The following TBC1D5 variants were observed in gnomAD, a reference collection of about 807,000 sequenced individuals.
TBC1D5 encodes the protein TBC1 domain family member 5.
TBC1D5 carries 75 observed loss-of-function variants against 100.3 expected under a neutral mutation model. The observed-to-expected ratio is 0.75, with a 90% CI of 0.62 to 0.91. TBC1D5 has a LOEUF of 0.91. Among genes scored for constraint, TBC1D5 ranks in the 40% least tolerant of loss-of-function variants. The pLI is 0.00. For missense variants in TBC1D5, 910 were observed against 942.4 expected (o/e 0.97, Z 0.45); for synonymous variants, 323 against 325.6 (o/e 0.99, Z 0.09).
chr3:17,178,854 A>G (rs1222383311), intron 19 of TBC1D5, among the ~76,000 whole-genome samples: 2 of 151,744 alleles, frequency 1.3e-5, no homozygotes, highest in Admixed American at 1.3e-4. Flanking sequence ...TCTGTTATCT[A>G]GACTGGTCTT....
intron 11 of TBC1D5, 21 bp from the exon 12 acceptor site, chr3:17,374,561 T>C (rs929327507): frequency 6.2e-7 from 1 of 1,610,262 alleles, no homozygotes; most frequent in Non-Finnish European, 8.5e-7. Context: ...AATAACACAA[T>C]GCTATGTAAC....
chr3:17,530,339 G>A (rs553633638), intron 2 of TBC1D5, among the ~76,000 whole-genome samples: 3 of 151,548 alleles, frequency 2.0e-5, no homozygotes, highest in Non-Finnish European at 2.9e-5. Flanking sequence ...TGAAAATATC[G>A]ATGGGGGGTT....
At chr3:17,433,680 CA>C (rs2094484013) in intron 3 of TBC1D5, among the ~76,000 whole-genome samples, 1 of 152,062 alleles carries the variant, frequency 6.6e-6, no homozygotes, top group Admixed American at 6.5e-5. Flanking sequence ...CTTTATAATT[CA>C]AAACACAGTC....
At chr3:17,717,260 A>C (rs1000665346) in intron 1 of TBC1D5, among the ~76,000 whole-genome samples, 4 of 150,156 alleles carry the variant, frequency 2.7e-5, no homozygotes, top group Non-Finnish European at 4.5e-5. Flanking sequence ...GATTTTTCAA[A>C]AAAAAAAAAG....
intron 1 of TBC1D5, among the ~76,000 whole-genome samples, chr3:17,674,136 C>T (rs2068321863): frequency 6.6e-6 from 1 of 152,034 alleles, no homozygotes; most frequent in Non-Finnish European, 1.5e-5. Flanking sequence ...AGACTTTGGA[C>T]ATATCAATTG....
chr3:17,302,024 T>C (rs1038028756), intron 14 of TBC1D5, among the ~76,000 whole-genome samples: 2 of 152,186 alleles, frequency 1.3e-5, no homozygotes, highest in Non-Finnish European at 2.9e-5. Flanking sequence ...TAACAGAAAT[T>C]TACTGTTTCA....
chr3:17,380,381 GT>G (rs1307518484), intron 9 of TBC1D5, among the ~76,000 whole-genome samples: 2 of 151,400 alleles, frequency 1.3e-5, no homozygotes, highest in African/African-American at 2.4e-5. Flanking sequence ...GAGATTTTTG[GT>G]TTTGCTATCA....
chr3:17,673,483 G>C (rs952878968), intron 1 of TBC1D5, among the ~76,000 whole-genome samples: 1 of 118,158 alleles, frequency 8.5e-6, no homozygotes, highest in Non-Finnish European at 1.9e-5. Context: ...GATAATGTTT[G>C]TATTTTTTTT....
chr3:17,729,969 G>T (rs1385134284), intron 1 of TBC1D5, among the ~76,000 whole-genome samples: 2 of 151,762 alleles, frequency 1.3e-5, no homozygotes, highest in Non-Finnish European at 1.5e-5. Context: ...AAATTAGTCG[G>T]GCGTGGTGGC....
At chr3:17,518,602 A>G (rs2096021397) in intron 2 of TBC1D5, among the ~76,000 whole-genome samples, 1 of 152,176 alleles carries the variant, frequency 6.6e-6, no homozygotes, top group African/African-American at 2.4e-5. Flanking sequence ...CATTCTTGCA[A>G]CCTCATTTTT....
intron 2 of TBC1D5, among the ~76,000 whole-genome samples, chr3:17,619,844 G>A (rs141507090): frequency 6.6e-6 from 1 of 152,144 alleles, no homozygotes; most frequent in Non-Finnish European, 1.5e-5. Flanking sequence ...TCCCTACAAA[G>A]AACTTCTAAA....
At chr3:17,457,070 G>C (rs1056660345) in intron 3 of TBC1D5, among the ~76,000 whole-genome samples, 1 of 151,910 alleles carries the variant, frequency 6.6e-6, no homozygotes, top group African/African-American at 2.4e-5. Context: ...TCTATTTTTT[G>C]CTAGAACAAT....
chr3:17,243,579 C>G (rs1235013918), intron 16 of TBC1D5, among the ~76,000 whole-genome samples: 1 of 151,994 alleles, frequency 6.6e-6, no homozygotes, highest in Non-Finnish European at 1.5e-5. Flanking sequence ...ATAATCTCAA[C>G]AGGCTAGCAT....
chr3:17,463,943 C>CTTTTTTTTTTTTT lies in TBC1D5; in HGVS notation c.98-35437_98-35425dup, dbSNP rs1025162858. Among the ~76,000 whole-genome samples the CTTTTTTTTTTTTT allele has an allele frequency of 3.3e-4, 29 of 87,526 alleles. 3 individuals are homozygous for CTTTTTTTTTTTTT. Among genetic ancestry groups the CTTTTTTTTTTTTT allele is most frequent in the African/African-American group, 1.2e-3 (25 of 21,364 alleles). 57.4% of individuals were successfully genotyped at this position (87,526 alleles called of 152,430 possible). A position where few individuals can be genotyped will look rare whatever the true frequency, so the allele number is the denominator to read the frequency against. ...CAATCAATACTAGCATTCCTTATTC[C>CTTTTTTTTTTTTT]TTTTTTTTTTTTTTTTTTTTTTTTT... On this transcript the variant is annotated intron_variant, in intron 3 of 21. Transcript: ENST00000253692.
intron 16 of TBC1D5, among the ~76,000 whole-genome samples, chr3:17,246,877 C>T (rs1445384266): frequency 6.6e-6 from 1 of 152,224 alleles, no homozygotes; most frequent in African/African-American, 2.4e-5. Flanking sequence ...TTTCAAAGGA[C>T]TGGCCCTTGA....
exon 17 of TBC1D5, chr3:17,238,342 G>T: frequency 6.2e-7 from 1 of 1,613,922 alleles, no homozygotes; most frequent in Non-Finnish European, 8.5e-7. Flanking sequence ...CATTGCTGGG[G>T]AAATCAACTT....
intron 1 of TBC1D5, among the ~76,000 whole-genome samples, chr3:17,733,351 A>T (rs147593718): frequency 1.3e-5 from 2 of 152,328 alleles, no homozygotes; most frequent in East Asian, 3.9e-4. Flanking sequence ...CACCATAAGG[A>T]TCTTACCGGA....
intron 3 of TBC1D5, among the ~76,000 whole-genome samples, chr3:17,491,855 GTTTCAGAAGAAA>G (rs1471613854): frequency 6.6e-6 from 1 of 152,154 alleles, no homozygotes; most frequent in Non-Finnish European, 1.5e-5. Context: ...AACTGGAATA[GTTTCAGAAGAAA>G]TGGTACCAGC....
exon 1 of TBC1D5, chr3:17,739,495 T>C (rs771862785): frequency 1.3e-5 from 2 of 152,152 alleles, no homozygotes; most frequent in Non-Finnish European, 1.5e-5. Context: ...ACACTAAATC[T>C]ACTACGCATA....
Sources: gnomAD v4.1 joint callset for allele counts (sites outside exome capture counted in the v4.1 genomes callset) on GRCh38, gnomAD v4.1.1 for gene constraint, MANE v1.5 for transcripts, NCBI Gene and HGNC (gene_info 2026-07-23, HGNC 2026-07-21) for gene names.